VCPKMT: variants seen among roughly 807,000 people sequenced by gnomAD.
VCPKMT encodes the protein valosin containing protein lysine methyltransferase, also known as protein N-lysine methyltransferase METTL21D.
Under a neutral mutation model 28.6 loss-of-function variants are expected in VCPKMT, and 32 were observed. The observed-to-expected ratio is 1.12, with a 90% confidence interval of 0.84 to 1.50. The LOEUF is 1.50. Ranked by LOEUF, VCPKMT falls within the 40% of genes most tolerant of loss-of-function variation. The pLI, the probability that VCPKMT is intolerant of heterozygous loss-of-function variation, is 0.00. For missense variants in VCPKMT, 366 were observed against 285.0 expected (o/e 1.28, Z -2.05); for synonymous variants, 138 against 111.4 (o/e 1.24, Z -1.50).
Position 50,116,057 on chromosome 14 carries a change from G to C in VCPKMT, c.377+12C>G, listed in dbSNP as rs749939695. On this transcript the variant is annotated intron_variant, in intron 2 of 5. Transcript: ENST00000395860. ...ATCAATATCTTAAAACAAGCTGAAA[G>C]GCCATACAAACCATTTCAGTACCTT... 35 of 1,600,874 alleles carry C rather than the reference G, an allele frequency of 2.2e-5. No individual in the cohort carries two copies. Among genetic ancestry groups the C allele is most frequent in the Non-Finnish European group, 2.7e-5 (32 of 1,170,994 alleles).
chr14:50,111,152 A>C, intron 5 of VCPKMT: 2 of 961,892 alleles, frequency 2.1e-6, no homozygotes, highest in Non-Finnish European at 2.5e-6. Flanking sequence ...GAGTTACATC[A>C]ACTAAAAAAT....
At chr14:50,108,021 T>C (rs141857178), downstream of VCPKMT, among the ~76,000 whole-genome samples, 28 of 151,848 alleles carry the variant, frequency 1.8e-4, no homozygotes, top group East Asian at 4.3e-3. Flanking sequence ...AAACCCTGAC[T>C]CTACAAAAAA....
downstream of VCPKMT, among the ~76,000 whole-genome samples, chr14:50,105,363 G>A (rs1345154618): frequency 6.6e-6 from 1 of 152,210 alleles, no homozygotes; most frequent in African/African-American, 2.4e-5. Context: ...AGGTGCAGTG[G>A]CTCACGCACA....
rs1882949459 is a variant in VCPKMT at position 50,114,369 on chromosome 14, G to A, written c.486C>T (p.Ile162=). ...LEPLLKTLKD[I]SGFETCIICC... ...ATATAATACAAGTTTCAAATCCGCTGATATCTTTTAGAGTTTTCAGCAATG... is the reference window on the plus strand; with the variant it reads ...ATATAATACAAGTTTCAAATCCGCTAATATCTTTTAGAGTTTTCAGCAATG... Residue 162 remains isoleucine, a synonymous_variant, in exon 4 of 6, where the codon ATC becomes ATT. Coordinates refer to ENST00000395860, the MANE Select transcript of VCPKMT (RefSeq NM_024558.3). The A allele has an allele frequency of 6.3e-7, 1 of 1,581,590 alleles. No individual in the cohort carries two copies. Among genetic ancestry groups the A allele is most frequent in the Non-Finnish European group, 8.6e-7 (1 of 1,166,722 alleles).
At chr14:50,109,914 A>T (rs889643687) in intron 5 of VCPKMT, among the ~76,000 whole-genome samples, 3 of 152,208 alleles carry the variant, frequency 2.0e-5, no homozygotes, top group African/African-American at 4.8e-5. Flanking sequence ...GAACAGATGC[A>T]TTGGACATTA....
rs913898896 is a variant in VCPKMT at position 50,109,592 on chromosome 14, G to GA, written c.*106dup. 4.3e-4 allele frequency: 616 copies of GA among 1,446,860 alleles called. No homozygotes were observed. The highest frequency in any genetic ancestry group is 1.1e-3 in the South Asian group (73 of 68,290). The allele number at this position is 1,446,860 out of a possible 1,614,324, so 89.6% of individuals were successfully genotyped here. ...ACATCGGATCTCTAAGGACGTGCCG[G>GA]AAAAAAAAATCTGTGAACACAATCT... On this transcript the variant is annotated 3_prime_UTR_variant, in exon 6 of 6. Coordinates refer to ENST00000395860, the MANE Select transcript of VCPKMT (RefSeq NM_024558.3).
intron 5 of VCPKMT, among the ~76,000 whole-genome samples, chr14:50,110,587 C>T (rs1168037216): frequency 1.3e-5 from 2 of 152,204 alleles, no homozygotes; most frequent in African/African-American, 4.8e-5. Flanking sequence ...CCCTTATACA[C>T]TGCTAGTGAG....
chr14:50,107,069 C>T (rs116651446), downstream of VCPKMT, among the ~76,000 whole-genome samples: 919 of 152,286 alleles, frequency 6.0e-3, 10 homozygotes, highest in African/African-American at 0.021. Flanking sequence ...TCTCCACATT[C>T]GAAAGCCCAA....
chr14:50,112,108 A>C (rs916131858), intron 5 of VCPKMT: 1 of 969,574 alleles, frequency 1.0e-6, no homozygotes, highest in East Asian at 1.1e-4. Flanking sequence ...TTTAATAAGG[A>C]AAAGTTCACA....
chr14:50,113,441 T>C (rs1314008129), intron 4 of VCPKMT: 2 of 152,120 alleles, frequency 1.3e-5, no homozygotes, highest in Admixed American at 1.3e-4. Context: ...TGCAGGCCTA[T>C]ATAGATGTAC....
At chr14:50,115,433 G>A (rs1399683487) in intron 3 of VCPKMT, among the ~76,000 whole-genome samples, 1 of 152,180 alleles carries the variant, frequency 6.6e-6, no homozygotes, top group Non-Finnish European at 1.5e-5. Flanking sequence ...TTACAGGCGT[G>A]AGCCACCGCG....
At chr14:50,112,763 C>G (rs965162047) in intron 4 of VCPKMT, 44 bp from the exon 5 acceptor site, 35 of 909,988 alleles carry the variant, frequency 3.8e-5, no homozygotes, top group Non-Finnish European at 4.9e-5. Flanking sequence ...ATAATATGAA[C>G]TGACCTGTGG....
chr14:50,111,973 G>C (rs1326693001), intron 5 of VCPKMT: 2 of 985,164 alleles, frequency 2.0e-6, no homozygotes, highest in Non-Finnish European at 2.4e-6. Flanking sequence ...TGCATAAAAT[G>C]TGATTGTTAT....
chr14:50,107,072 A>G (rs1882351192), downstream of VCPKMT, among the ~76,000 whole-genome samples: 1 of 152,122 alleles, frequency 6.6e-6, no homozygotes, highest in South Asian at 2.1e-4. Flanking sequence ...CCACATTCGA[A>G]AGCCCAAAAG....
At chr14:50,110,043 G>A (rs910045570) in intron 5 of VCPKMT, among the ~76,000 whole-genome samples, 14 of 152,222 alleles carry the variant, frequency 9.2e-5, no homozygotes, top group African/African-American at 3.1e-4. Flanking sequence ...CCAGGAGTTC[G>A]ACACAAGCCT....
intron 5 of VCPKMT, among the ~76,000 whole-genome samples, chr14:50,112,392 CG>C (rs1566805953): frequency 4.6e-4 from 24 of 52,502 alleles, no homozygotes; most frequent in Admixed American, 1.2e-3. Flanking sequence ...TTAAAAAATA[CG>C]AGAAAAAAAA....
downstream of VCPKMT, among the ~76,000 whole-genome samples, chr14:50,106,119 T>C (rs1490640192): frequency 6.6e-6 from 1 of 152,168 alleles, no homozygotes; most frequent in East Asian, 1.9e-4. Context: ...GTTGCAGTGG[T>C]TCTCAATTTA....
rs767668568 is a variant in VCPKMT, at chr14:50,116,334, C to T, written c.219G>A (p.Glu73=). 6.2e-7 allele frequency: 1 copy of T among 1,610,950 alleles called. No individual in the cohort carries two copies. Among genetic ancestry groups the T allele is most frequent in the Non-Finnish European group, 8.5e-7 (1 of 1,178,714 alleles). ...CCACGGCCCCGGTGCCCGAACCCAGCTCCAGCACCGACCGCCGGCTCAGCG... is the reference window on the plus strand; with the variant it reads ...CCACGGCCCCGGTGCCCGAACCCAGTTCCAGCACCGACCGCCGGCTCAGCG... ...AHALSRRSVL[E]LGSGTGAVGL... Residue 73 remains glutamate (E), a synonymous_variant, in exon 1 of 6, where the codon GAG becomes GAA. Coordinates refer to ENST00000395860, the MANE Select transcript of VCPKMT (RefSeq NM_024558.3).
At chr14:50,116,205 T>C (rs747164609) in intron 1 of VCPKMT, 26 bp from the exon 2 acceptor site, 16 of 1,613,582 alleles carry the variant, frequency 9.9e-6, no homozygotes, top group African/African-American at 2.7e-5. Flanking sequence ...GACTGAGGTG[T>C]AGGCACAGGG....
Sources: gnomAD v4.1 joint callset for allele counts (sites outside exome capture counted in the v4.1 genomes callset) on GRCh38, gnomAD v4.1.1 for gene constraint, MANE v1.5 for transcripts, NCBI Gene and HGNC (gene_info 2026-07-23, HGNC 2026-07-21) for gene names.